Variants in CPXM2 observed in about 807,000 individuals in gnomAD.
The protein encoded by CPXM2 is carboxypeptidase X, M14 family member 2, also known as inactive carboxypeptidase-like protein X2.
In CPXM2, 66 loss-of-function variants were observed where a neutral mutation model predicts 86.1. The ratio of observed to expected loss-of-function variants is 0.77; its 90% CI spans 0.63 to 0.94. CPXM2 has a LOEUF of 0.94. CPXM2 is among the 40% of genes least tolerant of loss of function. The probability of loss-of-function intolerance (pLI) is 0.00; values close to 1 mark genes in which losing one functional copy is unlikely to be tolerated. For missense variants in CPXM2, 948 were observed against 1,026.3 expected, an observed-to-expected ratio of 0.92 and a Z score of 1.04; for synonymous variants, 388 against 400.2, an observed-to-expected ratio of 0.97 and a Z score of 0.36.
chr10:123,892,850 G>T (rs1157128097), upstream of CPXM2, among the ~76,000 whole-genome samples: 1 of 152,212 alleles, frequency 6.6e-6, no homozygotes, highest in Non-Finnish European at 1.5e-5. Context: ...CTGGCTGCCT[G>T]TGTTCCTCCT....
intron 6 of CPXM2, among the ~76,000 whole-genome samples, chr10:123,785,834 A>T (rs1043049230): frequency 1.3e-5 from 2 of 151,730 alleles, no homozygotes; most frequent in African/African-American, 2.4e-5. Context: ...AGGGTTTCAC[A>T]GTGTTAGCCA....
In CPXM2 at chr10:123,862,615, T is replaced by C. The variant is rs546029958; in HGVS notation, c.512A>G (p.Gln171Arg). 6.2e-7 allele frequency: 1 copy of C among 1,613,790 alleles called. No individual in the cohort carries two copies. The highest frequency in any genetic ancestry group is 2.2e-5 in the East Asian group (1 of 44,878). ...LGAHRGRLNIQAGINENDFYD... is the reference protein window; with the variant it reads ...LGAHRGRLNIRAGINENDFYD... ...CCTTCCAACCACAGGGCCAGGTACC[T>C]GGATGTTGAGTCTCCCTCGATGTGC... is the stretch of plus-strand genomic sequence containing the variant. The change falls in exon 3 of 14, where the codon CAG becomes CGG. Residue 171 changes from glutamine to arginine, a missense_variant and splice_region_variant. Transcript: ENST00000241305.
At chr10:123,886,767 C>G (rs1052200651) in intron 1 of CPXM2, among the ~76,000 whole-genome samples, 10 of 152,194 alleles carry the variant, frequency 6.6e-5, no homozygotes, top group African/African-American at 2.4e-4. Flanking sequence ...TCATTCAAAT[C>G]AATAGTTCAG....
chr10:123,939,530 T>C (rs1304342793), exon 2 of CPXM2: 1 of 152,208 alleles, frequency 6.6e-6, no homozygotes, highest in Non-Finnish European at 1.5e-5. Context: ...AGTTTCTTCA[T>C]CCTTAAAATA....
At chr10:123,796,223 T>G (rs1847332964) in intron 6 of CPXM2, among the ~76,000 whole-genome samples, 1 of 152,240 alleles carries the variant, frequency 6.6e-6, no homozygotes, top group African/African-American at 2.4e-5. Flanking sequence ...GGCACATTCT[T>G]TGTACCAGCA....
At chr10:123,907,865 C>T (rs1945456738) in intron 2 of CPXM2, among the ~76,000 whole-genome samples, 1 of 150,862 alleles carries the variant, frequency 6.6e-6, no homozygotes, top group Non-Finnish European at 1.5e-5. Flanking sequence ...GGCAATACAT[C>T]AGCAAAACAT....
rs773545905 is a variant in CPXM2, at chr10:123,767,169, G to A, written c.1300-17C>T. The A allele has an allele frequency of 3.9e-5, 63 of 1,612,158 alleles. No individual in the cohort carries two copies. The highest frequency in any genetic ancestry group is 3.4e-4 in the Middle Eastern group (2 of 5,868). On this transcript the variant is annotated splice_polypyrimidine_tract_variant and intron_variant, in intron 9 of 13. Transcript: ENST00000241305. Reference sequence around the variant, plus strand: ...CTCCGAGCCCTGGAGACAAGTGAGAGTGTGAAGAATGCACAGGCTGCAGGA... The same window carrying A: ...CTCCGAGCCCTGGAGACAAGTGAGAATGTGAAGAATGCACAGGCTGCAGGA...
At chr10:123,863,239 C>T (rs189457951) in intron 2 of CPXM2, among the ~76,000 whole-genome samples, 53 of 152,326 alleles carry the variant, frequency 3.5e-4, no homozygotes, top group African/African-American at 1.3e-3. Context: ...GCCCATTGTC[C>T]GTAAGAATGA....
chr10:123,783,654 T>A (rs928098209), intron 6 of CPXM2, among the ~76,000 whole-genome samples: 1 of 152,172 alleles, frequency 6.6e-6, no homozygotes, highest in Non-Finnish European at 1.5e-5. Flanking sequence ...AAATGTCAGA[T>A]CTATTCTTGC....
chr10:123,911,832 G>A (rs1172129429), intron 2 of CPXM2, among the ~76,000 whole-genome samples: 1 of 151,946 alleles, frequency 6.6e-6, no homozygotes, highest in Non-Finnish European at 1.5e-5. Context: ...CTGCAGGGGT[G>A]GGGTGCTCTA....
At chr10:123,815,620 G>A (rs1052942612) in intron 4 of CPXM2, among the ~76,000 whole-genome samples, 3 of 152,086 alleles carry the variant, frequency 2.0e-5, no homozygotes, top group South Asian at 2.1e-4. Context: ...TAAACCCTGC[G>A]CTGCCTGAGG....
At chr10:123,866,654 C>A (rs1848988455) in intron 2 of CPXM2, among the ~76,000 whole-genome samples, 1 of 152,208 alleles carries the variant, frequency 6.6e-6, no homozygotes. Context: ...ACCCTGGAGG[C>A]CCCCATCAGG....
At chr10:123,860,708 G>GCCC (rs1848830998) in intron 3 of CPXM2, among the ~76,000 whole-genome samples, 1 of 152,222 alleles carries the variant, frequency 6.6e-6, no homozygotes, top group Admixed American at 6.5e-5. Context: ...GAGGCCTGGA[G>GCCC]CCCCGTCTAG....
chr10:123,786,572 A>G (rs1847061426), intron 6 of CPXM2, among the ~76,000 whole-genome samples: 1 of 152,180 alleles, frequency 6.6e-6, no homozygotes, highest in African/African-American at 2.4e-5. Flanking sequence ...CCCCCAACTG[A>G]TGGAATGGAA....
chr10:123,813,478 G>A (rs1847739591), intron 4 of CPXM2, among the ~76,000 whole-genome samples: 1 of 152,150 alleles, frequency 6.6e-6, no homozygotes, highest in Non-Finnish European at 1.5e-5. Flanking sequence ...CAGATCAATT[G>A]CCAACCTTTA....
At chr10:123,937,453 A>ATTCT (rs1374435646) in intron 2 of CPXM2, among the ~76,000 whole-genome samples, 2 of 146,000 alleles carry the variant, frequency 1.4e-5, no homozygotes, top group African/African-American at 5.2e-5. Flanking sequence ...TCTGTTAGAA[A>ATTCT]AACAAGACAA....
chr10:123,923,208 C>T (rs767437546), intron 2 of CPXM2, among the ~76,000 whole-genome samples: 13 of 152,124 alleles, frequency 8.5e-5, no homozygotes, highest in African/African-American at 1.2e-4. Flanking sequence ...AAAAGTGGAG[C>T]GACCATGCTA....
intron 3 of CPXM2, among the ~76,000 whole-genome samples, chr10:123,855,375 A>G (rs1564799560): frequency 1.3e-5 from 2 of 152,202 alleles, no homozygotes; most frequent in Admixed American, 6.5e-5. Flanking sequence ...AAAAACAAAC[A>G]AAACAGAAAA....
At chr10:123,856,402 G>A (rs570741482) in intron 3 of CPXM2, among the ~76,000 whole-genome samples, 8 of 152,288 alleles carry the variant, frequency 5.3e-5, no homozygotes, top group African/African-American at 1.7e-4. Flanking sequence ...CTTCAGCAGG[G>A]CTGCTGTCCC....
Sources: allele counts gnomAD v4.1 joint callset (sites outside exome capture counted in the v4.1 genomes callset), GRCh38; gene constraint gnomAD v4.1.1; transcripts MANE v1.5; gene names NCBI Gene and HGNC (gene_info 2026-07-23, HGNC 2026-07-21).